The following LINGO1 variants were observed in gnomAD, a reference collection of about 807,000 sequenced individuals.
LINGO1 encodes the protein leucine rich repeat and Ig domain containing 1, also known as leucine-rich repeat and immunoglobulin-like domain-containing nogo receptor-interacting protein 1.
Under a neutral mutation model 37.3 loss-of-function variants are expected in LINGO1, and 11 were observed. The observed-to-expected ratio is 0.29, with a 90% CI of 0.19 to 0.49. LINGO1 has a LOEUF of 0.49. LINGO1 is among the 20% of genes least tolerant of loss of function. The pLI is 0.99. For missense variants in LINGO1, 585 were observed against 878.2 expected (o/e 0.67, Z 4.22); for synonymous variants, 387 against 403.0 (o/e 0.96, Z 0.48).
intron 1 of LINGO1, among the ~76,000 whole-genome samples, chr15:77,810,122 T>C (rs1318270769): frequency 6.6e-6 from 1 of 152,010 alleles, no homozygotes; most frequent in Admixed American, 6.6e-5. Flanking sequence ...AGGAGACCAG[T>C]CTCAGTCCCA....
intron 1 of LINGO1, among the ~76,000 whole-genome samples, chr15:77,735,394 T>C (rs2141338994): frequency 6.6e-6 from 1 of 152,302 alleles, no homozygotes; most frequent in African/African-American, 2.4e-5. Context: ...AAGCCACAGT[T>C]CTCTGGTTCC....
intron 1 of LINGO1, among the ~76,000 whole-genome samples, chr15:77,801,076 T>C (rs1029714103): frequency 6.6e-6 from 1 of 152,162 alleles, no homozygotes; most frequent in African/African-American, 2.4e-5. Context: ...GGAGGGGGAA[T>C]TGGCTCAACC....
chr15:77,759,059 C>CT (rs1218872613), intron 1 of LINGO1, among the ~76,000 whole-genome samples: 2 of 152,172 alleles, frequency 1.3e-5, no homozygotes, highest in Non-Finnish European at 2.9e-5. Flanking sequence ...AAAATCAGGG[C>CT]TTTCTCTGAA....
At chr15:77,713,210 TTGTGTGTGTGTGTGTGTGTGTGTGTG>T (rs57831674) in intron 2 of LINGO1, among the ~76,000 whole-genome samples, 7 of 123,722 alleles carry the variant, frequency 5.7e-5, no homozygotes, top group African/African-American at 2.3e-4. Context: ...GCCCAGCTAA[TTGTGTGTGTGTGTGTGTGTGTGTGTG>T]TGTGTGTGTG....
At chr15:77,621,565 G>GC in intron 1 of LINGO1, among the ~76,000 whole-genome samples, 1 of 151,890 alleles carries the variant, frequency 6.6e-6, no homozygotes, top group East Asian at 1.9e-4. Flanking sequence ...GACTCTGCAG[G>GC]CCAGGCCAGG....
At chr15:77,692,763 G>A (rs1163054145) in intron 1 of LINGO1, among the ~76,000 whole-genome samples, 2 of 152,264 alleles carry the variant, frequency 1.3e-5, no homozygotes, top group South Asian at 4.1e-4. Flanking sequence ...GCTCCCTCCC[G>A]CCTCCAGGGC....
chr15:77,751,766 G>C (rs1314486867), intron 1 of LINGO1, among the ~76,000 whole-genome samples: 1 of 152,208 alleles, frequency 6.6e-6, no homozygotes, highest in Non-Finnish European at 1.5e-5. Flanking sequence ...GGAGAAGTTA[G>C]GGAAGAAGAT....
intron 1 of LINGO1, among the ~76,000 whole-genome samples, chr15:77,815,713 A>T (rs898498991): frequency 6.6e-6 from 1 of 151,894 alleles, no homozygotes. Context: ...GACGACCTAG[A>T]TCACCCCACC....
intron 1 of LINGO1, among the ~76,000 whole-genome samples, chr15:77,814,620 G>A (rs536827264): frequency 2.0e-4 from 31 of 152,248 alleles, no homozygotes; most frequent in African/African-American, 6.3e-4. Flanking sequence ...AGTGGGCTAC[G>A]GTAGACATCA....
At chr15:77,756,130 G>A (rs983810528) in intron 1 of LINGO1, among the ~76,000 whole-genome samples, 13 of 152,110 alleles carry the variant, frequency 8.5e-5, no homozygotes, top group African/African-American at 2.9e-4. Flanking sequence ...CCAGGTACAC[G>A]CAGAAGGGCC....
intron 3 of LINGO1, chr15:77,651,683 C>T (rs1053758650): frequency 6.6e-6 from 1 of 152,188 alleles, no homozygotes; most frequent in African/African-American, 2.4e-5. Context: ...ATCACACTTT[C>T]CAAACAGCTT....
At chr15:77,786,051 G>A (rs2076767459) in intron 1 of LINGO1, among the ~76,000 whole-genome samples, 1 of 152,200 alleles carries the variant, frequency 6.6e-6, no homozygotes, top group Admixed American at 6.5e-5. Context: ...GTGCATATGG[G>A]AGAAACTGAG....
At chr15:77,615,968 C>G (rs2073705316) in intron 1 of LINGO1, 68 bp from the exon 2 acceptor site, 3 of 1,177,260 alleles carry the variant, frequency 2.5e-6, no homozygotes, top group Non-Finnish European at 3.4e-6. Flanking sequence ...GATGCCACCC[C>G]AAGCCACCTG....
intron 3 of LINGO1, among the ~76,000 whole-genome samples, chr15:77,664,566 C>T (rs143903641): frequency 6.6e-6 from 1 of 152,316 alleles, no homozygotes; most frequent in Non-Finnish European, 1.5e-5. Context: ...GAGGGTAGGT[C>T]AGCATCCTGT....
At chr15:77,660,833 T>C (rs1254948710) in intron 3 of LINGO1, among the ~76,000 whole-genome samples, 1 of 151,904 alleles carries the variant, frequency 6.6e-6, no homozygotes, top group Non-Finnish European at 1.5e-5. Context: ...AGGGATGAGA[T>C]CCCTGCCTGG....
chr15:77,636,767 G>A (rs2074404870), upstream of LINGO1, among the ~76,000 whole-genome samples: 2 of 152,172 alleles, frequency 1.3e-5, no homozygotes, highest in Non-Finnish European at 2.9e-5. Flanking sequence ...TGGGGGCCAT[G>A]TAGCCTCCAG....
At chr15:77,774,409 C>T (rs1228491588) in intron 1 of LINGO1, among the ~76,000 whole-genome samples, 1 of 152,102 alleles carries the variant, frequency 6.6e-6, no homozygotes, top group Admixed American at 6.5e-5. Flanking sequence ...GAGAAGCAGC[C>T]CCCACCAATT....
chr15:77,677,737 G>T (rs1175212067), intron 2 of LINGO1, among the ~76,000 whole-genome samples: 2 of 151,980 alleles, frequency 1.3e-5, no homozygotes, highest in Non-Finnish European at 1.5e-5. Flanking sequence ...GTGACACCCC[G>T]ATCCACCCTT....
At chr15:77,728,091 T>A (rs754548565) in intron 2 of LINGO1, among the ~76,000 whole-genome samples, 1 of 152,212 alleles carries the variant, frequency 6.6e-6, no homozygotes, top group East Asian at 1.9e-4. Context: ...GTCAGGGCTG[T>A]GTCTCCTCCC....
Sources: allele counts gnomAD v4.1 joint callset (sites outside exome capture counted in the v4.1 genomes callset), GRCh38; gene constraint gnomAD v4.1.1; transcripts MANE v1.5; gene names NCBI Gene and HGNC (gene_info 2026-07-23, HGNC 2026-07-21).